CNGB3: variants seen among roughly 807,000 people sequenced by gnomAD.
CNGB3 encodes the protein cyclic nucleotide gated channel subunit beta 3.
Under a neutral mutation model 92.8 loss-of-function variants are expected in CNGB3, and 86 were observed. That is an observed-to-expected ratio of 0.93 (90% confidence interval 0.78 to 1.11). CNGB3 has a LOEUF of 1.11. Ranked by LOEUF, CNGB3 falls within the 50% of genes least tolerant of loss-of-function variation. The pLI is 0.00. For synonymous variants in CNGB3, 333 were observed against 332.7 expected (o/e 1.00, Z -0.01); for missense variants, 1,026 against 956.8 (o/e 1.07, Z -0.95).
chr8:86,579,874 C>T (rs1469047175), intron 15 of CNGB3, among the ~76,000 whole-genome samples: 1 of 152,184 alleles, frequency 6.6e-6, no homozygotes, highest in East Asian at 1.9e-4. Context: ...TTTTCCCATT[C>T]AGGCCTCACT....
chr8:86,597,816 C>A (rs1169771395), intron 15 of CNGB3, among the ~76,000 whole-genome samples: 1 of 151,674 alleles, frequency 6.6e-6, no homozygotes, highest in Non-Finnish European at 1.5e-5. Context: ...CCCGTCTCTA[C>A]AAAAATACAA....
At chr8:86,621,581 T>G (rs1373038245) in intron 13 of CNGB3, among the ~76,000 whole-genome samples, 1 of 152,180 alleles carries the variant, frequency 6.6e-6, no homozygotes, top group Non-Finnish European at 1.5e-5. Flanking sequence ...ACCGAAGCAG[T>G]GTACCCACTG....
At chr8:86,672,139 C>A (rs1823872889) in intron 3 of CNGB3, among the ~76,000 whole-genome samples, 1 of 152,080 alleles carries the variant, frequency 6.6e-6, no homozygotes, top group African/African-American at 2.4e-5. Context: ...CACGTTGTCG[C>A]CCAGGCTGGA....
chr8:86,593,610 G>T (rs1440497445), intron 15 of CNGB3: 1 of 439,960 alleles, frequency 2.3e-6, no homozygotes, highest in Non-Finnish European at 4.2e-6. Flanking sequence ...GGCCATGAGA[G>T]GTGGTGGCTA....
intron 3 of CNGB3, chr8:86,707,797 T>C (rs1296134484): frequency 2.0e-5 from 3 of 152,050 alleles, no homozygotes; most frequent in Non-Finnish European, 4.4e-5. Context: ...AGAGATGAAC[T>C]AGGAGAGTAG....
chr8:86,695,132 C>CA (rs1200905846), intron 3 of CNGB3, among the ~76,000 whole-genome samples: 23 of 144,958 alleles, frequency 1.6e-4, no homozygotes, highest in African/African-American at 5.2e-4. Flanking sequence ...CCGTCTCCAC[C>CA]AAAAAAATAC....
intron 15 of CNGB3, among the ~76,000 whole-genome samples, chr8:86,599,085 G>T (rs1822235986): frequency 6.6e-6 from 1 of 152,110 alleles, no homozygotes; most frequent in Non-Finnish European, 1.5e-5. Context: ...CCAAACGGAG[G>T]GACCGGCTGA....
At chr8:86,616,033 G>A (rs1822614242) in intron 13 of CNGB3, among the ~76,000 whole-genome samples, 1 of 152,168 alleles carries the variant, frequency 6.6e-6, no homozygotes, top group African/African-American at 2.4e-5. Flanking sequence ...GGATCAATGG[G>A]AAACGTGAGA....
At chr8:86,589,440 A>G (rs1377156588) in intron 15 of CNGB3, among the ~76,000 whole-genome samples, 3 of 150,700 alleles carry the variant, frequency 2.0e-5, no homozygotes, top group East Asian at 1.9e-4. Flanking sequence ...TAGGGTGTCA[A>G]TTTTGGATCT....
At position 86,688,099 on chromosome 8, in the gene CNGB3, T is replaced by C. The variant is rs1482027118; in HGVS notation, c.339-17001A>G. On this transcript the variant is annotated intron_variant, in intron 3 of 17. Coordinates refer to ENST00000320005, the MANE Select transcript of CNGB3 (RefSeq NM_019098.5). ...AATGGAGAGTACTATGGGATGAAAA[T>C]GAACAGAAGCGTGAGGGTATGAAGG... is the stretch of plus-strand genomic sequence containing the variant. 7.9e-5 allele frequency among the ~76,000 whole-genome samples: 12 copies of C among 151,976 alleles called. No individual in the cohort carries two copies. The East Asian group carries it at 2.1e-3, about 27-fold the overall frequency.
intron 4 of CNGB3, among the ~76,000 whole-genome samples, chr8:86,669,898 T>C (rs1252433216): frequency 2.6e-5 from 4 of 152,140 alleles, no homozygotes; most frequent in Non-Finnish European, 5.9e-5. Context: ...GTTGCCAGGC[T>C]GGAGTGCAGT....
intron 9 of CNGB3, 44 bp downstream of exon 9, chr8:86,644,578 A>G: frequency 6.3e-7 from 1 of 1,592,422 alleles, no homozygotes; most frequent in Non-Finnish European, 8.6e-7. Flanking sequence ...ATGTTGTACC[A>G]TTGCTTTTTC....
chr8:86,725,680 G>A (rs914916664), intron 3 of CNGB3, among the ~76,000 whole-genome samples: 2 of 152,094 alleles, frequency 1.3e-5, no homozygotes, highest in Admixed American at 1.3e-4. Context: ...AGATAATCAC[G>A]ATGACTTCTA....
chr8:86,579,524 C>T (rs1377390442), intron 15 of CNGB3, among the ~76,000 whole-genome samples: 1 of 152,188 alleles, frequency 6.6e-6, no homozygotes, highest in Admixed American at 6.5e-5. Flanking sequence ...ATCCCAGATT[C>T]CAGAAATGCA....
In CNGB3 at chr8:86,699,615, G is replaced by C. The variant is rs890296308; in HGVS notation, c.338+26916C>G. On this transcript the variant is annotated intron_variant, in intron 3 of 17. Coordinates refer to ENST00000320005, the MANE Select transcript of CNGB3 (RefSeq NM_019098.5). ...TGATGGTGGTTCATGACAATGTCCT[G>C]ACATCCACAACAATCAATAAAAGGA... Among the ~76,000 whole-genome samples the C allele has an allele frequency of 2.0e-5, 3 of 152,102 alleles. No individual in the cohort carries two copies. In the South Asian group the frequency reaches 6.2e-4, roughly 32 times the overall value.
intron 14 of CNGB3, among the ~76,000 whole-genome samples, chr8:86,604,961 G>A (rs941706521): frequency 2.0e-5 from 3 of 152,272 alleles, no homozygotes; most frequent in East Asian, 1.9e-4. Context: ...TCTGAATCAT[G>A]TCTGGTCATG....
chr8:86,591,333 C>T (rs1488488025), intron 15 of CNGB3, among the ~76,000 whole-genome samples: 57 of 36,420 alleles, frequency 1.6e-3, no homozygotes, highest in Non-Finnish European at 2.9e-3. Context: ...GCCTTCTTCT[C>T]TCAGCTCGTC....
At position 86,643,749 on chromosome 8, in the gene CNGB3, AC is replaced by A; in HGVS notation, c.1178+1del. The stretch of plus-strand genomic sequence containing the variant: ...AAGGTTTCTTTCAAAATCAGAACTT[AC>A]TCGTTTCCTTCCCCATCATACACCC... On this transcript the variant is annotated splice_donor_variant, in intron 10 of 17. Coordinates refer to ENST00000320005, the MANE Select transcript of CNGB3 (RefSeq NM_019098.5). LOFTEE classifies it high-confidence loss of function. 1 of 1,604,726 alleles carries A rather than the reference AC, an allele frequency of 6.2e-7. No homozygotes were observed. Among genetic ancestry groups the A allele is most frequent in the South Asian group, 1.1e-5 (1 of 90,814 alleles).
intron 13 of CNGB3, among the ~76,000 whole-genome samples, chr8:86,613,932 T>C (rs924922484): frequency 2.4e-4 from 35 of 147,734 alleles, no homozygotes; most frequent in African/African-American, 7.4e-4. Flanking sequence ...TAATATATAA[T>C]ATAAAATATA....
Sources: gnomAD v4.1 joint callset for allele counts (sites outside exome capture counted in the v4.1 genomes callset) on GRCh38, gnomAD v4.1.1 for gene constraint, MANE v1.5 for transcripts, NCBI Gene and HGNC (gene_info 2026-07-23, HGNC 2026-07-21) for gene names.